The following IQCH variants were observed in gnomAD, a reference collection of about 807,000 sequenced individuals.
IQCH encodes the protein IQ motif containing H.
In IQCH, 98 loss-of-function variants were observed where a neutral mutation model predicts 117.0. The observed-to-expected ratio is 0.84, with a 90% CI of 0.71 to 0.99. The LOEUF is 0.99. Among genes scored for constraint, IQCH ranks in the 50% least tolerant of loss-of-function variants. IQCH has a pLI of 0.00. For missense variants in IQCH, 1,102 were observed against 1,243.8 expected, an observed-to-expected ratio of 0.89 and a Z score of 1.72; for synonymous variants, 412 against 448.2, an observed-to-expected ratio of 0.92 and a Z score of 1.02.
intron 1 of IQCH, chr15:67,255,240 A>G (rs1297029491): frequency 2.0e-6 from 1 of 487,884 alleles, no homozygotes; most frequent in Non-Finnish European, 3.7e-6. Context: ...ACGCTGAGGC[A>G]TCATTTTTAA....
At chr15:67,267,138 G>A (rs762267208) in intron 3 of IQCH, among the ~76,000 whole-genome samples, 43 of 152,182 alleles carry the variant, frequency 2.8e-4, no homozygotes, top group Non-Finnish European at 5.9e-4. Flanking sequence ...ATGAGGGATC[G>A]AGTGACAGGC....
intron 16 of IQCH, among the ~76,000 whole-genome samples, chr15:67,455,632 C>T (rs1305537258): frequency 6.6e-6 from 1 of 152,130 alleles, no homozygotes; most frequent in Non-Finnish European, 1.5e-5. Flanking sequence ...CGATGGTCAT[C>T]GAAGGCTGTT....
chr15:67,397,580 G>A (rs1304576035), intron 13 of IQCH, among the ~76,000 whole-genome samples: 1 of 152,182 alleles, frequency 6.6e-6, no homozygotes, highest in East Asian at 1.9e-4. Flanking sequence ...ATCTGCAGAT[G>A]GGGATGAATC....
chr15:67,475,608 C>T lies in IQCH; in HGVS notation c.2677-88C>T. The T allele has an allele frequency of 2.5e-6, 3 of 1,200,618 alleles. No homozygotes were observed. The highest frequency in any genetic ancestry group is 3.6e-6 in the Non-Finnish European group (3 of 843,488). The allele number at this position is 1,200,618 out of a possible 1,614,324, so 74.4% of individuals were successfully genotyped here. ...GGGATATAGGAACTCTCAGAATTATCTTCGCAATTTTCCTGTTAATCTCAA... is the reference window on the plus strand; with the variant it reads ...GGGATATAGGAACTCTCAGAATTATTTTCGCAATTTTCCTGTTAATCTCAA... On this transcript the variant is annotated intron_variant, in intron 17 of 20. Coordinates refer to ENST00000335894, the MANE Select transcript of IQCH (RefSeq NM_001031715.3). The surrounding 1 kb of genome is among the most constrained non-coding windows in gnomAD (Gnocchi z 5.7).
At chr15:67,336,486 T>C (rs930809521) in intron 4 of IQCH, among the ~76,000 whole-genome samples, 1 of 152,220 alleles carries the variant, frequency 6.6e-6, no homozygotes, top group Non-Finnish European at 1.5e-5. Context: ...AGATATTGTG[T>C]CTTTGTAACC....
chr15:67,483,703 A>G (rs907039203), intron 18 of IQCH, among the ~76,000 whole-genome samples: 2 of 152,126 alleles, frequency 1.3e-5, no homozygotes, highest in Admixed American at 6.6e-5. Flanking sequence ...GGGAGGCAAC[A>G]AAGCCTGGAG....
At position 67,255,040 on chromosome 15, in the gene IQCH, G is replaced by C. The variant is rs1028764821; in HGVS notation, c.51+93G>C. 7.2e-6 allele frequency: 9 copies of C among 1,255,888 alleles called. No individual in the cohort carries two copies. In the South Asian group the frequency reaches 1.1e-4, roughly 16 times the overall value. 77.8% of individuals were successfully genotyped at this position (1,255,888 alleles called of 1,614,324 possible). ...CCGATTCACCGACGCTCACCCATTT[G>C]GTGCGCCGCCCCTAGACTCCCTCCA... On this transcript the variant is annotated intron_variant, in intron 1 of 20. Transcript: ENST00000335894.
rs113386507 is a variant in IQCH at position 67,388,449 on chromosome 15, C to CT, written c.1457-381dup. Among the ~76,000 whole-genome samples, 67,729 of 151,972 alleles carry CT rather than the reference C, an allele frequency of 0.45. 16,041 individuals carry two copies. Among genetic ancestry groups the CT allele is most frequent in the Non-Finnish European group, 0.54 (36,544 of 67,940 alleles). ...CATCAGCTTTGTAAAGTTAGTAGCT[C>CT]TGTTTTATAATTTACTGAAGTTAAT... On this transcript the variant is annotated intron_variant, in intron 11 of 20. Transcript: ENST00000335894. This position sits in a 1 kb window ranked among gnomAD's most constrained non-coding sequence, Gnocchi z 5.5.
Position 67,385,350 on chromosome 15 carries a change from C to T in IQCH, c.1456+331C>T, listed in dbSNP as rs1971076402. Among the ~76,000 whole-genome samples the T allele has an allele frequency of 6.6e-6, 1 of 152,088 alleles. No individual in the cohort carries two copies. Among genetic ancestry groups the T allele is most frequent in the Admixed American group, 6.6e-5 (1 of 15,250 alleles). On this transcript the variant is annotated intron_variant, in intron 11 of 20. Transcript: ENST00000335894. This position sits in a 1 kb window ranked among gnomAD's most constrained non-coding sequence, Gnocchi z 4.6. Reference sequence around the variant, plus strand: ...TACAGTGAGTGAAGTCAAAGTTTTACATTTGTGTCAGTCTTGTCTCTTATA... The same window carrying T: ...TACAGTGAGTGAAGTCAAAGTTTTATATTTGTGTCAGTCTTGTCTCTTATA...
Position 67,470,933 on chromosome 15 carries a change from A to G in IQCH, c.2677-4763A>G, listed in dbSNP as rs866982863. On this transcript the variant is annotated intron_variant, in intron 17 of 20. Transcript: ENST00000335894. Reference sequence around the variant, plus strand: ...CTTTTATACCCAAAATGTAGCCTATAATACATATTGTTCTGAATCTCACTT... The same window carrying G: ...CTTTTATACCCAAAATGTAGCCTATGATACATATTGTTCTGAATCTCACTT... Among the ~76,000 whole-genome samples the G allele has an allele frequency of 2.7e-4, 41 of 152,342 alleles. 1 individual carries two copies. The highest frequency in any genetic ancestry group is 3.4e-3 in the Middle Eastern group (1 of 294).
intron 18 of IQCH, among the ~76,000 whole-genome samples, chr15:67,482,501 A>G (rs2083367063): frequency 6.6e-6 from 1 of 152,200 alleles, no homozygotes; most frequent in Non-Finnish European, 1.5e-5. Flanking sequence ...ATAGCATTTT[A>G]TACCTTGTTA....
In IQCH at chr15:67,436,666, C is replaced by T. The variant is rs565867641; in HGVS notation, c.2505+15089C>T. 3.3e-5 allele frequency among the ~76,000 whole-genome samples: 5 copies of T among 152,106 alleles called. No homozygotes were observed. Among genetic ancestry groups the T allele is most frequent in the Non-Finnish European group, 5.9e-5 (4 of 68,010 alleles). The stretch of plus-strand genomic sequence containing the variant: ...TCTAGCCTGCAACAAGTTTTCAAGC[C>T]CGTCTTGCCCTCTGCCTGGAAAGAG... On this transcript the variant is annotated intron_variant, in intron 16 of 20. Transcript: ENST00000335894. This position sits in a 1 kb window ranked among gnomAD's most constrained non-coding sequence, Gnocchi z 5.1.
At position 67,429,712 on chromosome 15, in the gene IQCH, T is replaced by G. The variant is rs928168857; in HGVS notation, c.2505+8135T>G. Among the ~76,000 whole-genome samples the G allele has an allele frequency of 4.6e-5, 7 of 152,190 alleles. No homozygotes were observed. In the East Asian group the frequency reaches 1.3e-3, roughly 29 times the overall value. On this transcript the variant is annotated intron_variant, in intron 16 of 20. Coordinates refer to ENST00000335894, the MANE Select transcript of IQCH (RefSeq NM_001031715.3). Reference sequence around the variant, plus strand: ...GGTGACTGCATCCATTTCAAATTCATGCCCATTGGCCCCAGCTGGGCCCCA... The same window carrying G: ...GGTGACTGCATCCATTTCAAATTCAGGCCCATTGGCCCCAGCTGGGCCCCA...
At chr15:67,462,068 G>A (rs1164141795) in intron 16 of IQCH, among the ~76,000 whole-genome samples, 1 of 151,756 alleles carries the variant, frequency 6.6e-6, no homozygotes, top group Non-Finnish European at 1.5e-5. Context: ...GGCCTCAAGT[G>A]GCTTCCTGCC....
At position 67,342,213 on chromosome 15, in the gene IQCH, G is replaced by A. The variant is rs1969206508; in HGVS notation, c.509-1850G>A. On this transcript the variant is annotated intron_variant, in intron 5 of 20. Coordinates refer to ENST00000335894, the MANE Select transcript of IQCH (RefSeq NM_001031715.3). This position sits in a 1 kb window ranked among gnomAD's most constrained non-coding sequence, Gnocchi z 4.7. The stretch of plus-strand genomic sequence containing the variant: ...GCCCAGGTATTCAAGGGTGCAGTGA[G>A]CTATGATGGTGCCACTGCACTCCAA... Among the ~76,000 whole-genome samples the A allele has an allele frequency of 6.6e-6, 1 of 152,056 alleles. No homozygotes were observed. Among genetic ancestry groups the A allele is most frequent in the Non-Finnish European group, 1.5e-5 (1 of 68,010 alleles).
At chr15:67,309,123 A>G (rs1967458445) in intron 4 of IQCH, among the ~76,000 whole-genome samples, 1 of 152,124 alleles carries the variant, frequency 6.6e-6, no homozygotes, top group African/African-American at 2.4e-5. Context: ...CAATAAAAGT[A>G]TCTATCTCAT....
chr15:67,375,812 A>G, intron 10 of IQCH, among the ~76,000 whole-genome samples: 1 of 130,056 alleles, frequency 7.7e-6, no homozygotes. Context: ...TTTGAGACAG[A>G]GTCTCACTCT....
intron 18 of IQCH, among the ~76,000 whole-genome samples, chr15:67,478,884 A>G (rs1596470173): frequency 6.6e-6 from 1 of 152,038 alleles, no homozygotes; most frequent in African/African-American, 2.4e-5. Flanking sequence ...AGATTGCGCC[A>G]CTGCACTCCA....
At chr15:67,383,522 G>A (rs1354516970) in intron 10 of IQCH, among the ~76,000 whole-genome samples, 1 of 152,152 alleles carries the variant, frequency 6.6e-6, no homozygotes, top group African/African-American at 2.4e-5. Context: ...AATGCTCTCA[G>A]GCACTTTTCT....
Sources: gnomAD v4.1 joint callset for allele counts (sites outside exome capture counted in the v4.1 genomes callset) on GRCh38, gnomAD v4.1.1 for gene constraint, Gnocchi (gnomAD v3.1) non-coding constraint, MANE v1.5 for transcripts, NCBI Gene and HGNC (gene_info 2026-07-23, HGNC 2026-07-21) for gene names.